The following RBFOX1 variants were observed in gnomAD, a reference collection of about 807,000 sequenced individuals.
RBFOX1 encodes the protein RNA binding protein fox-1 homolog 1.
A neutral mutation model predicts 57.7 loss-of-function variants in RBFOX1; 8 were observed. The observed-to-expected ratio is 0.14, with a 90% CI of 0.08 to 0.25. RBFOX1 has a LOEUF of 0.25. RBFOX1 is among the 10% of genes least tolerant of loss of function. The pLI is 1.00. For missense variants in RBFOX1, 611 were observed against 548.5 expected (o/e 1.11, Z -1.14); for synonymous variants, 326 against 222.4 (o/e 1.47, Z -4.15).
At chr16:6,714,509 G>C (rs914543649) in intron 3 of RBFOX1, among the ~76,000 whole-genome samples, 3 of 152,132 alleles carry the variant, frequency 2.0e-5, no homozygotes, top group African/African-American at 7.2e-5. Flanking sequence ...TCCTACCCAA[G>C]GGCAGGGGGC....
At chr16:6,945,410 C>T (rs558041367) in intron 3 of RBFOX1, among the ~76,000 whole-genome samples, 2 of 147,376 alleles carry the variant, frequency 1.4e-5, no homozygotes, top group Admixed American at 1.3e-4. Context: ...GATGGCCATG[C>T]AGGAATGTAG....
intron 2 of RBFOX1, among the ~76,000 whole-genome samples, chr16:6,355,381 G>A (rs190183743): frequency 8.1e-4 from 123 of 151,986 alleles, no homozygotes; most frequent in African/African-American, 2.8e-3. Context: ...GAGAACATGC[G>A]GTGTTTGGCT....
chr16:6,531,539 A>G (rs978383351), intron 2 of RBFOX1, among the ~76,000 whole-genome samples: 1 of 152,190 alleles, frequency 6.6e-6, no homozygotes. Context: ...TAATTTTAAT[A>G]TCATTGGCTT....
rs986644620 is a variant in RBFOX1, at chr16:6,019,622, C to G, written c.-497C>G. On this transcript the variant is annotated 5_prime_UTR_variant, in exon 1 of 16. Coordinates refer to ENST00000550418, the MANE Select transcript of RBFOX1 (RefSeq NM_018723.4). The surrounding 1 kb of genome is among the most constrained non-coding windows in gnomAD (Gnocchi z 4.2). ...AGGAAGGAGTGAGCCGAGCCGAGCA[C>G]CCCACATCTGGAGGGGACAGCCAGC... 1.3e-5 allele frequency: 17 copies of G among 1,268,202 alleles called. No homozygotes were observed. The African/African-American group carries it at 2.3e-4, about 17-fold the overall frequency. The allele number at this position is 1,268,202 out of a possible 1,614,324, so 78.6% of individuals were successfully genotyped here. A position where few individuals can be genotyped will look rare whatever the true frequency, so the allele number is the denominator to read the frequency against.
intron 2 of RBFOX1, among the ~76,000 whole-genome samples, chr16:6,487,144 C>CTGTGTGTGTGTGTG (rs60180975): frequency 1.2e-3 from 174 of 140,220 alleles, no homozygotes; most frequent in African/African-American, 3.6e-3. Context: ...TGTGGGGTTT[C>CTGTGTGTGTGTGTG]TGTGTGTGTG....
intron 3 of RBFOX1, among the ~76,000 whole-genome samples, chr16:5,850,243 G>A (rs572503269): frequency 6.6e-6 from 1 of 152,300 alleles, no homozygotes; most frequent in African/African-American, 2.4e-5. Context: ...AGGGAGAAAA[G>A]TGAGTGAGTC....
chr16:6,820,233 C>T (rs946304199), intron 3 of RBFOX1, among the ~76,000 whole-genome samples: 2 of 152,134 alleles, frequency 1.3e-5, no homozygotes, highest in African/African-American at 2.4e-5. Flanking sequence ...AACTGTGAGT[C>T]GATTAAACCT....
chr16:7,458,701 C>G (rs78709130), intron 4 of RBFOX1, among the ~76,000 whole-genome samples: 4,858 of 152,004 alleles, frequency 0.032, 266 homozygotes, highest in African/African-American at 0.11. Flanking sequence ...TTACCTAGTT[C>G]ACTCCCTCTC....
intron 3 of RBFOX1, among the ~76,000 whole-genome samples, chr16:6,843,076 G>A (rs752209565): frequency 6.6e-6 from 1 of 151,984 alleles, no homozygotes; most frequent in Non-Finnish European, 1.5e-5. Context: ...TGGGCATTTG[G>A]GTTGGTTCCA....
rs2060356514 is a variant in RBFOX1, at chr16:5,989,843, A to AATACACACACACACACACACAC, written c.351+122509_351+122510insTACACACACACACACACACACA. 4.3e-4 allele frequency among the ~76,000 whole-genome samples: 9 copies of AATACACACACACACACACACAC among 20,718 alleles called. 1 individual carries two copies. Among genetic ancestry groups the AATACACACACACACACACACAC allele is most frequent in the African/African-American group, 2.0e-3 (9 of 4,544 alleles). 13.6% of individuals were successfully genotyped at this position (20,718 alleles called of 152,430 possible). The stretch of plus-strand genomic sequence containing the variant: ...AAATGAGAGACTAGTAACACCCCCT[A>AATACACACACACACACACACAC]ACACACACACACACACACACACACA... On this transcript the variant is annotated intron_variant, in intron 4 of 19. Transcript: ENST00000641259.
At chr16:5,867,262 T>G (rs1471849148) in intron 3 of RBFOX1, 11 of 1,156,082 alleles carry the variant, frequency 9.5e-6, no homozygotes, top group Non-Finnish European at 9.8e-6. Flanking sequence ...ATTACCTTCT[T>G]GTTGAATCAA....
intron 2 of RBFOX1, among the ~76,000 whole-genome samples, chr16:6,629,538 C>T (rs553169538): frequency 9.2e-5 from 14 of 152,234 alleles, no homozygotes; most frequent in East Asian, 3.9e-4. Context: ...GACCCTGAAA[C>T]GTGTAGATAA....
rs1000947812 is a variant in RBFOX1, at chr16:5,278,254, T to C, written c.219+38149T>C. Among the ~76,000 whole-genome samples, 26 of 152,218 alleles carry C rather than the reference T, an allele frequency of 1.7e-4. 1 individual carries two copies. Among genetic ancestry groups the C allele is most frequent in the Admixed American group, 1.5e-3 (23 of 15,272 alleles). On this transcript the variant is annotated intron_variant, in intron 1 of 2. Coordinates refer to the RBFOX1 transcript ENST00000585867. ...TTTTGATTTGCATTTCCGTGATGAT[T>C]AGTGACGTTGAATATTTTTTCATAA...
intron 4 of RBFOX1, among the ~76,000 whole-genome samples, chr16:7,238,269 A>G (rs1165545697): frequency 6.6e-6 from 1 of 152,118 alleles, no homozygotes; most frequent in Non-Finnish European, 1.5e-5. Flanking sequence ...GAATGTTGGG[A>G]ATGGCTGTGC....
intron 4 of RBFOX1, among the ~76,000 whole-genome samples, chr16:5,908,795 A>C (rs1171262480): frequency 6.6e-6 from 1 of 151,986 alleles, no homozygotes; most frequent in Non-Finnish European, 1.5e-5. Flanking sequence ...TCCTGATGTG[A>C]GGATGTTCAG....
chr16:5,681,161 C>T (rs1379199831), intron 3 of RBFOX1, among the ~76,000 whole-genome samples: 1 of 151,880 alleles, frequency 6.6e-6, no homozygotes. Context: ...GCAAGCTCCA[C>T]CTCCTGGGTT....
At chr16:6,796,066 G>T (rs766541947) in intron 3 of RBFOX1, among the ~76,000 whole-genome samples, 1 of 152,090 alleles carries the variant, frequency 6.6e-6, no homozygotes, top group Admixed American at 6.5e-5. Context: ...ATTTACAAAA[G>T]AAAGAGGTTT....
chr16:6,923,400 G>A (rs77967459), intron 3 of RBFOX1, among the ~76,000 whole-genome samples: 2,682 of 152,240 alleles, frequency 0.018, 77 homozygotes, highest in African/African-American at 0.06. Context: ...AGGCATGGTG[G>A]GGAACACTTG....
intron 3 of RBFOX1, among the ~76,000 whole-genome samples, chr16:5,705,463 A>G (rs747324381): frequency 6.6e-6 from 1 of 152,128 alleles, no homozygotes; most frequent in East Asian, 1.9e-4. Flanking sequence ...GGTTCTCACT[A>G]TATTGCCCAG....
Sources: gnomAD v4.1 joint callset for allele counts (sites outside exome capture counted in the v4.1 genomes callset) on GRCh38, gnomAD v4.1.1 for gene constraint, Gnocchi (gnomAD v3.1) non-coding constraint, MANE v1.5 for transcripts, NCBI Gene and HGNC (gene_info 2026-07-23, HGNC 2026-07-21) for gene names.